ARHGEF10L: variants seen among roughly 807,000 people sequenced by gnomAD.
The protein encoded by ARHGEF10L is rho guanine nucleotide exchange factor 10-like protein.
Under a neutral mutation model 141.2 loss-of-function variants are expected in ARHGEF10L, and 69 were observed. The observed-to-expected ratio is 0.49, with a 90% CI of 0.40 to 0.60. ARHGEF10L has a LOEUF of 0.60. Ranked by LOEUF, ARHGEF10L falls within the 20% of genes least tolerant of loss-of-function variation. The probability of loss-of-function intolerance (pLI) is 0.00; values close to 1 mark genes in which losing one functional copy is unlikely to be tolerated. For synonymous variants in ARHGEF10L, 711 were observed against 718.5 expected, an observed-to-expected ratio of 0.99 and a Z score of 0.17; for missense variants, 1,482 against 1,734.3, an observed-to-expected ratio of 0.85 and a Z score of 2.58.
intron 26 of ARHGEF10L, among the ~76,000 whole-genome samples, chr1:17,683,788 C>T (rs1003396710): frequency 2.6e-5 from 4 of 152,182 alleles, no homozygotes; most frequent in Non-Finnish European, 5.9e-5. Context: ...GAGAAATGAG[C>T]CTGGATTTCC....
intron 1 of ARHGEF10L, among the ~76,000 whole-genome samples, chr1:17,541,963 A>G (rs868714100): frequency 1.3e-5 from 2 of 151,650 alleles, no homozygotes; most frequent in Middle Eastern, 3.5e-3. Context: ...GTGAAACTCC[A>G]TTTCAAAACA....
Position 17,607,702 on chromosome 1 carries a change from C to G in ARHGEF10L, c.434-100C>G. The G allele has an allele frequency of 7.9e-7, 1 of 1,266,656 alleles. No individual in the cohort carries two copies. The highest frequency in any genetic ancestry group is 1.0e-6 in the Non-Finnish European group (1 of 970,692). The allele number at this position is 1,266,656 out of a possible 1,614,324, so 78.5% of individuals were successfully genotyped here. ...CAGGGCCCCCATGTTCTCCCTGACC[C>G]CCCCTCGCCCCACCTGGGTTCAGAA... On this transcript the variant is annotated intron_variant, in intron 6 of 28. Coordinates refer to ENST00000361221, the MANE Select transcript of ARHGEF10L (RefSeq NM_018125.4). This position sits in a 1 kb window ranked among gnomAD's most constrained non-coding sequence, Gnocchi z 4.5.
chr1:17,660,795 G>A (rs557645171), intron 25 of ARHGEF10L, among the ~76,000 whole-genome samples: 6 of 152,302 alleles, frequency 3.9e-5, no homozygotes, highest in African/African-American at 9.6e-5. Flanking sequence ...AGGCTTGTGC[G>A]TGTGGGTCTG....
chr1:17,648,665 T>G lies in ARHGEF10L; in HGVS notation c.2384T>G (p.Leu795Arg). 6.2e-7 allele frequency: 1 copy of G among 1,612,626 alleles called. No individual in the cohort carries two copies. Among genetic ancestry groups the G allele is most frequent in the Non-Finnish European group, 8.5e-7 (1 of 1,179,968 alleles). ...ATCCCTGCCTTCTCCTCCCGGGCAC[T>G]CAGCCTGCAGGTGAGTGGAGCGGAT... ...CCIPAFSSRA[L>R]SLQLGALVHS... The change falls in exon 22 of 29, where the codon CTC (leucine) becomes CGC (arginine). Residue 795 changes from leucine to arginine, a missense_variant. Physicochemically the swap from Leu to Arg is moderately radical, Grantham distance 102. Transcript: ENST00000361221.
rs1017693854 is a variant in ARHGEF10L at position 17,640,110 on chromosome 1, C to A, written c.2172-92C>A. The A allele has an allele frequency of 5.3e-6, 8 of 1,511,628 alleles. No homozygotes were observed. The East Asian group carries it at 7.4e-5, about 14-fold the overall frequency. 93.6% of individuals were successfully genotyped at this position (1,511,628 alleles called of 1,614,324 possible). ...GACCAGACCTCCTTGATCTCCAGGG[C>A]GCGTGGGTTGGAGGAAGTACTACGT... On this transcript the variant is annotated intron_variant, in intron 20 of 28. Coordinates refer to ENST00000361221, the MANE Select transcript of ARHGEF10L (RefSeq NM_018125.4).
chr1:17,649,704 A>G (rs2101947649), intron 22 of ARHGEF10L, among the ~76,000 whole-genome samples: 1 of 152,292 alleles, frequency 6.6e-6, no homozygotes, highest in Non-Finnish European at 1.5e-5. Context: ...AATAGAAAAG[A>G]GTGAGGTGTG....
chr1:17,618,704 G>A (rs1206595826), intron 9 of ARHGEF10L, among the ~76,000 whole-genome samples: 1 of 152,170 alleles, frequency 6.6e-6, no homozygotes, highest in African/African-American at 2.4e-5. Context: ...GTTGGGGGCT[G>A]GAACCCTCTC....
At chr1:17,661,222 C>T (rs547055151) in intron 25 of ARHGEF10L, among the ~76,000 whole-genome samples, 2 of 152,208 alleles carry the variant, frequency 1.3e-5, no homozygotes, top group East Asian at 1.9e-4. Context: ...GGATTACAGG[C>T]GCACACCACC....
chr1:17,686,400 C>A (rs1270222336), intron 26 of ARHGEF10L, among the ~76,000 whole-genome samples: 1 of 152,224 alleles, frequency 6.6e-6, no homozygotes, highest in African/African-American at 2.4e-5. Flanking sequence ...GAGGCCCAGG[C>A]TCTGTCCTTG....
chr1:17,619,589 G>C lies in ARHGEF10L; in HGVS notation c.942+144G>C, dbSNP rs766719872. The stretch of plus-strand genomic sequence containing the variant: ...TCTTGGCAGAGCCCAGCTGGATAGG[G>C]GCCTCCTAGGTTCTCTCCTCAGCTA... On this transcript the variant is annotated intron_variant, in intron 10 of 28. Coordinates refer to ENST00000361221, the MANE Select transcript of ARHGEF10L (RefSeq NM_018125.4). This position sits in a 1 kb window ranked among gnomAD's most constrained non-coding sequence, Gnocchi z 5.0. 3.1e-6 allele frequency: 2 copies of C among 638,300 alleles called. No homozygotes were observed. Among genetic ancestry groups the C allele is most frequent in the Non-Finnish European group, 5.3e-6 (2 of 375,628 alleles). 39.5% of individuals were successfully genotyped at this position (638,300 alleles called of 1,614,324 possible).
intron 9 of ARHGEF10L, chr1:17,618,262 A>AC: frequency 1.0e-5 from 7 of 684,244 alleles, no homozygotes; most frequent in Admixed American, 3.4e-5. Context: ...AGCCCTCCCC[A>AC]CCCCGCCCAC....
Position 17,656,843 on chromosome 1 carries a change from TC to T in ARHGEF10L, c.2860+137del, listed in dbSNP as rs1464593681. 8.6e-7 allele frequency: 1 copy of T among 1,156,896 alleles called. No homozygotes were observed. Among genetic ancestry groups the T allele is most frequent in the African/African-American group, 1.5e-5 (1 of 64,688 alleles). 71.7% of individuals were successfully genotyped at this position (1,156,896 alleles called of 1,614,324 possible). A position where few individuals can be genotyped will look rare whatever the true frequency, so the allele number is the denominator to read the frequency against. Reference sequence around the variant, plus strand: ...TCTCAGTGCTGAGGGCATTTGGAGATCCGTGAGCCCCGCTGGGGTTCAATGG... The same window carrying T: ...TCTCAGTGCTGAGGGCATTTGGAGATCGTGAGCCCCGCTGGGGTTCAATGG... On this transcript the variant is annotated intron_variant, in intron 25 of 28. Coordinates refer to ENST00000361221, the MANE Select transcript of ARHGEF10L (RefSeq NM_018125.4). The surrounding 1 kb of genome is among the most constrained non-coding windows in gnomAD (Gnocchi z 4.9).
In ARHGEF10L at chr1:17,697,159, G is replaced by T. The variant is rs200263784; in HGVS notation, c.3619G>T (p.Asp1207Tyr). 6.2e-7 allele frequency: 1 copy of T among 1,611,996 alleles called. No homozygotes were observed. Among genetic ancestry groups the T allele is most frequent in the Non-Finnish European group, 8.5e-7 (1 of 1,179,496 alleles). The change falls in exon 29 of 29, where the codon GAC (aspartate) becomes TAC (tyrosine). Residue 1207 changes from aspartate to tyrosine, a missense_variant. By Grantham distance (160) the Asp-to-Tyr change is radical. Coordinates refer to ENST00000361221, the MANE Select transcript of ARHGEF10L (RefSeq NM_018125.4). The surrounding 1 kb of genome is among the most constrained non-coding windows in gnomAD (Gnocchi z 4.8). ...DGAALEHSEE[D>Y]GSIYEMADDP... ...CGCAGCTTTGGAGCACAGCGAGGAG[G>T]ACGGCTCCATTTACGAGATGGCCGA...
At chr1:17,645,336 C>T (rs1038714105) in intron 21 of ARHGEF10L, among the ~76,000 whole-genome samples, 2 of 152,026 alleles carry the variant, frequency 1.3e-5, no homozygotes, top group African/African-American at 2.4e-5. Flanking sequence ...TCCCCAGTCG[C>T]AGGCAGGGAA....
Position 17,669,390 on chromosome 1 carries a change from G to GCGCT in ARHGEF10L, c.3009+4796_3009+4799dup, listed in dbSNP as rs1482493617. On this transcript the variant is annotated intron_variant, in intron 26 of 28. Coordinates refer to ENST00000361221, the MANE Select transcript of ARHGEF10L (RefSeq NM_018125.4). ...TTCCTTTGGACCAGAAATGAGTTTT[G>GCGCT]CGCTTTACCTATAGGATCTCATTTA... is the stretch of plus-strand genomic sequence containing the variant. Among the ~76,000 whole-genome samples, 15 of 152,278 alleles carry GCGCT rather than the reference G, an allele frequency of 9.9e-5. 1 individual carries two copies. The highest frequency in any genetic ancestry group is 3.6e-4 in the African/African-American group (15 of 41,566).
chr1:17,626,726 C>T (rs1245781747), intron 14 of ARHGEF10L, among the ~76,000 whole-genome samples: 1 of 152,220 alleles, frequency 6.6e-6, no homozygotes, highest in Non-Finnish European at 1.5e-5. Context: ...ACTTTCTCAT[C>T]ATCCTGAACC....
chr1:17,516,177 C>T, the ARHGEF10L span, among the ~76,000 whole-genome samples: 2 of 152,204 alleles, frequency 1.3e-5, no homozygotes, highest in South Asian at 4.1e-4. Flanking sequence ...GCTTAGGAAA[C>T]TCATTATGCT....
At chr1:17,675,919 G>T (rs544025325) in intron 26 of ARHGEF10L, among the ~76,000 whole-genome samples, 9 of 145,094 alleles carry the variant, frequency 6.2e-5, no homozygotes, top group African/African-American at 2.3e-4. Context: ...TGCAAGTGTG[G>T]GTACAGGTTT....
At chr1:17,643,649 C>T (rs1290189574) in intron 21 of ARHGEF10L, among the ~76,000 whole-genome samples, 1 of 152,206 alleles carries the variant, frequency 6.6e-6, no homozygotes, top group Non-Finnish European at 1.5e-5. Flanking sequence ...AGCAAACTAA[C>T]TCTGAGATGC....
Sources: gnomAD v4.1 joint callset for allele counts (sites outside exome capture counted in the v4.1 genomes callset) on GRCh38, gnomAD v4.1.1 for gene constraint, Gnocchi (gnomAD v3.1) non-coding constraint, MANE v1.5 for transcripts, NCBI Gene and HGNC (gene_info 2026-07-23, HGNC 2026-07-21) for gene names.